The following NBEAL2 variants were observed in gnomAD, a reference collection of about 807,000 sequenced individuals.
NBEAL2 encodes neurobeachin like 2.
NBEAL2 carries 160 observed loss-of-function variants against 299.8 expected under a neutral mutation model. The observed-to-expected ratio is 0.53, with a 90% CI of 0.47 to 0.61. The LOEUF (loss-of-function observed/expected upper bound fraction) is 0.61. Among genes scored for constraint, NBEAL2 ranks in the 20% least tolerant of loss-of-function variants. The probability of loss-of-function intolerance (pLI) is 0.00; values close to 1 mark genes in which losing one functional copy is unlikely to be tolerated. For missense variants in NBEAL2, 3,112 were observed against 3,649.0 expected (o/e 0.85, Z 3.79); for synonymous variants, 1,493 against 1,542.3 (o/e 0.97, Z 0.75).
At chr3:46,995,654 A>C (rs1375204417) in intron 13 of NBEAL2, 21 bp downstream of exon 13, 1 of 1,609,264 alleles carries the variant, frequency 6.2e-7, no homozygotes, top group South Asian at 1.1e-5. Flanking sequence ...GCCAGGGGCC[A>C]GGGACCTCCT....
rs747108741 is a variant in NBEAL2, at chr3:47,000,089, T to C, written c.3990T>C (p.Asp1330=). Residue 1330 remains aspartate (D), a synonymous_variant, in exon 27 of 54, where the codon GAT becomes GAC. Coordinates refer to ENST00000450053, the MANE Select transcript of NBEAL2 (RefSeq NM_015175.3). This position sits in a 1 kb window ranked among gnomAD's most constrained non-coding sequence, Gnocchi z 4.5. ...CTGAGTCACCTGCTGAGCCTTCAGA[T>C]GTCTTCCTGCCCTCAGAGGCCCCCT... ...PPTESPAEPS[D]VFLPSEAPCP... 6.2e-7 allele frequency: 1 copy of C among 1,613,536 alleles called. No individual in the cohort carries two copies. The highest frequency in any genetic ancestry group is 1.1e-5 in the South Asian group (1 of 91,074).
In NBEAL2 at chr3:47,008,983, T is replaced by C. The variant is rs1471469025; in HGVS notation, c.8028-6T>C. Reference sequence around the variant, plus strand: ...CAAGTTGGTGTATATCCCCTCTCCCTTCCAGACTGCTCCCGGCCGCGCCTC... The same window carrying C: ...CAAGTTGGTGTATATCCCCTCTCCCCTCCAGACTGCTCCCGGCCGCGCCTC... On this transcript the variant is annotated splice_region_variant and splice_polypyrimidine_tract_variant and intron_variant, in intron 52 of 53. Transcript: ENST00000450053. 1.3e-6 allele frequency: 2 copies of C among 1,598,916 alleles called. No individual in the cohort carries two copies. The highest frequency in any genetic ancestry group is 4.5e-5 in the East Asian group (2 of 44,882).
Position 47,002,119 on chromosome 3 carries a change from G to A in NBEAL2, c.4982G>A (p.Cys1661Tyr). 6.4e-7 allele frequency: 1 copy of A among 1,550,630 alleles called. No individual in the cohort carries two copies. The highest frequency in any genetic ancestry group is 1.2e-5 in the South Asian group (1 of 84,472). ...AAAAAAAAER[C>Y]SWLVPLVRTL... The stretch of plus-strand genomic sequence containing the variant: ...GCAGCTGCAGCAGCTGCAGAGCGCT[G>A]CTCCTGGCTGGTGCCACTGGTGCGC... The change falls in exon 31 of 54, where the codon TGC becomes TAC. Residue 1661 changes from cysteine (C) to tyrosine (Y), a missense_variant. By Grantham distance (194) the Cys-to-Tyr change is radical. Around this residue, in one of 3 missense-constraint regions of NBEAL2, gnomAD observed 2,243 missense variants for 2,538.1 expected, o/e 0.88. Coordinates refer to ENST00000450053, the MANE Select transcript of NBEAL2 (RefSeq NM_015175.3).
chr3:46,979,967 CGCGCCCCGCGCCTGCTGCACCTG>C (rs536171364), intron 1 of NBEAL2, 55 bp downstream of exon 1: 4,942 of 263,294 alleles, frequency 0.019, 111 homozygotes, highest in Non-Finnish European at 0.02. Flanking sequence ...CCCAGCTTCG[CGCGCCCCGCGCCTGCTGCACCTG>C]GCGCCCCGCG....
Position 47,009,580 on chromosome 3 carries a change from G to T in NBEAL2, c.*260G>T. ...GCAGCAGCACTTTTTGCACAGTCTG[G>T]GGCGGGGTTCCCCGGCTTCCAAGTC... On this transcript the variant is annotated 3_prime_UTR_variant, in exon 54 of 54. Transcript: ENST00000450053. 1 of 499,396 alleles carries T rather than the reference G, an allele frequency of 2.0e-6. No homozygotes were observed. Among genetic ancestry groups the T allele is most frequent in the Non-Finnish European group, 3.5e-6 (1 of 282,954 alleles). 30.9% of individuals were successfully genotyped at this position (499,396 alleles called of 1,614,324 possible). A position where few individuals can be genotyped will look rare whatever the true frequency, so the allele number is the denominator to read the frequency against.
rs1352290208 is a variant in NBEAL2, at chr3:47,001,580, G to A, written c.4645-109G>A. 6.4e-7 allele frequency: 1 copy of A among 1,568,414 alleles called. No homozygotes were observed. The highest frequency in any genetic ancestry group is 1.3e-5 in the African/African-American group (1 of 74,288). ...AATGCCTGTGAGTGTGGACTTGCCTGTGTGCACAAACCCTACCTGGCCCCC... is the reference window on the plus strand; with the variant it reads ...AATGCCTGTGAGTGTGGACTTGCCTATGTGCACAAACCCTACCTGGCCCCC... On this transcript the variant is annotated intron_variant, in intron 29 of 53. Coordinates refer to ENST00000450053, the MANE Select transcript of NBEAL2 (RefSeq NM_015175.3). This position sits in a 1 kb window ranked among gnomAD's most constrained non-coding sequence, Gnocchi z 6.1.
rs781185845 is a variant in NBEAL2, at chr3:47,000,184, G to A, written c.4085G>A (p.Arg1362Gln). Reference sequence around the variant, plus strand: ...ACGCCCTTTGACCTGGGCCTGGAACGGTCTAGTGTAGGATCAGGCAACACT... The same window carrying A: ...ACGCCCTTTGACCTGGGCCTGGAACAGTCTAGTGTAGGATCAGGCAACACT... Reference protein sequence around the residue: ...FCTPFDLGLERSSVGSGNTAG... With the variant: ...FCTPFDLGLEQSSVGSGNTAG... Residue 1362 changes from arginine (R) to glutamine (Q), a missense_variant, in exon 27 of 54, where the codon CGG (arginine) becomes CAG (glutamine). Around this residue, in one of 3 missense-constraint regions of NBEAL2, gnomAD observed 2,243 missense variants for 2,538.1 expected, o/e 0.88. Coordinates refer to ENST00000450053, the MANE Select transcript of NBEAL2 (RefSeq NM_015175.3). The surrounding 1 kb of genome is among the most constrained non-coding windows in gnomAD (Gnocchi z 4.5). 3.7e-6 allele frequency: 6 copies of A among 1,613,808 alleles called. No homozygotes were observed. The highest frequency in any genetic ancestry group is 1.1e-5 in the South Asian group (1 of 91,074).
In NBEAL2 at chr3:46,994,548, A is replaced by G; in HGVS notation, c.1291A>G (p.Asn431Asp). Residue 431 changes from asparagine (N) to aspartate (D), a missense_variant, in exon 12 of 54, where the codon AAC (asparagine) becomes GAC (aspartate). Asn to Asp is a conservative substitution (Grantham distance 23, BLOSUM62 1). This residue lies in a region of NBEAL2 where 2,243 missense variants were observed against 2,538.1 expected (regional missense o/e 0.88). Transcript: ENST00000450053. The part of the protein sequence containing the change: ...PTHRLLQELL[N>D]MAVEGDHSMC... Reference sequence around the variant, plus strand: ...CCATCGGCTGTTGCAAGAGCTGCTCAACATGGTGAGGGAAGGGGCTTGGGA... The same window carrying G: ...CCATCGGCTGTTGCAAGAGCTGCTCGACATGGTGAGGGAAGGGGCTTGGGA... 6.3e-7 allele frequency: 1 copy of G among 1,577,600 alleles called. No homozygotes were observed. Among genetic ancestry groups the G allele is most frequent in the Non-Finnish European group, 8.6e-7 (1 of 1,159,692 alleles).
At position 47,004,147 on chromosome 3, in the gene NBEAL2, C is replaced by T. The variant is rs2037242563; in HGVS notation, c.5952C>T (p.Arg1984=). The change falls in exon 37 of 54, where the codon CGC becomes CGT. Residue 1984 remains arginine, a synonymous_variant. Coordinates refer to ENST00000450053, the MANE Select transcript of NBEAL2 (RefSeq NM_015175.3). This position sits in a 1 kb window ranked among gnomAD's most constrained non-coding sequence, Gnocchi z 5.0. ...TCCACCTGCGGCGTTTCAACCTGCGCCGTTCAGCACTTGAGCTCTTCTTTA... is the reference window on the plus strand; with the variant it reads ...TCCACCTGCGGCGTTTCAACCTGCGTCGTTCAGCACTTGAGCTCTTCTTTA... The part of the protein sequence containing the change: ...REVHLRRFNL[R]RSALELFFID... 7.4e-6 allele frequency: 12 copies of T among 1,613,614 alleles called. No individual in the cohort carries two copies. The highest frequency in any genetic ancestry group is 2.7e-5 in the African/African-American group (2 of 74,868).
intron 1 of NBEAL2, among the ~76,000 whole-genome samples, chr3:46,984,272 C>G (rs944781555): frequency 6.6e-6 from 1 of 152,158 alleles, no homozygotes; most frequent in South Asian, 2.1e-4. Context: ...CGCCACTGCA[C>G]TCCAGCCTGG....
chr3:46,995,010 C>G, intron 12 of NBEAL2, 22 bp from the exon 13 acceptor site: 1 of 1,522,086 alleles, frequency 6.6e-7, no homozygotes, highest in South Asian at 1.2e-5. Flanking sequence ...TGACCAGGGA[C>G]TGTCATTCTC....
rs2036412533 is a variant in NBEAL2 at position 46,995,400 on chromosome 3, C to G, written c.1665C>G (p.Ala555=). Residue 555 remains alanine (A), a synonymous_variant, in exon 13 of 54, where the codon GCC becomes GCG. Transcript: ENST00000450053. The stretch of plus-strand genomic sequence containing the variant: ...CAGGCGGAGCTGAGGCTGGAAAGGC[C>G]CGACACGCAGGTGCTGTCATCCGCA... ...SEPGGAEAGK[A]RHAGAVIRTL... is the part of the protein sequence containing the mutation. The G allele has an allele frequency of 6.2e-7, 1 of 1,612,612 alleles. No individual in the cohort carries two copies. Among genetic ancestry groups the G allele is most frequent in the Non-Finnish European group, 8.5e-7 (1 of 1,179,864 alleles).
intron 6 of NBEAL2, among the ~76,000 whole-genome samples, chr3:46,990,852 C>G (rs4683277): frequency 0.95 from 145,034 of 152,258 alleles, 69,512 homozygotes; most frequent in East Asian, 1. Context: ...AGGGCAGAGG[C>G]AGCAAGAGAT....
At chr3:46,986,679 G>C (rs1164183816) in intron 1 of NBEAL2, among the ~76,000 whole-genome samples, 2 of 152,154 alleles carry the variant, frequency 1.3e-5, no homozygotes, top group Admixed American at 6.5e-5. Flanking sequence ...GTCTCTGTGG[G>C]GCCACTGAGG....
At position 47,004,266 on chromosome 3, in the gene NBEAL2, C is replaced by T; in HGVS notation, c.6071C>T (p.Pro2024Leu). 2 of 1,613,632 alleles carry T rather than the reference C, an allele frequency of 1.2e-6. No homozygotes were observed. The highest frequency in any genetic ancestry group is 1.7e-6 in the Non-Finnish European group (2 of 1,179,752). Residue 2024 changes from proline (P) to leucine (L), a missense_variant, in exon 37 of 54, where the codon CCC becomes CTC. Pro to Leu is a moderately conservative substitution (Grantham distance 98). Transcript: ENST00000450053. This position sits in a 1 kb window ranked among gnomAD's most constrained non-coding sequence, Gnocchi z 5.0. ...CAGACTCCCAGACCCCAGCCTGGCC[C>T]CATCCCACCCCATACCCAGGTACGG... ...PSQTPRPQPG[P>L]IPPHTQVRNQ...
chr3:46,996,763 C>T lies in NBEAL2; in HGVS notation c.2486C>T (p.Thr829Met), dbSNP rs577957158. 55 of 1,612,352 alleles carry T rather than the reference C, an allele frequency of 3.4e-5. No homozygotes were observed. In the Middle Eastern group the frequency reaches 6.6e-4, roughly 19 times the overall value. ...GCCCACCTCCCAGGGCCCAATGAGA[C>T]GGCACCCTTCAAGCCTGAGGGGGAG... ...RTLCTLGPNE[T>M]APFKPEGELH... Residue 829 changes from threonine to methionine, a missense_variant, in exon 17 of 54, where the codon ACG becomes ATG. Physicochemically the swap from Thr to Met is moderately conservative, Grantham distance 81. This residue lies in a region of NBEAL2 where 2,243 missense variants were observed against 2,538.1 expected (regional missense o/e 0.88). Transcript: ENST00000450053.
chr3:47,009,205 C>G lies in NBEAL2; in HGVS notation c.8164-14C>G. ...CGATCCCAGCTGATCCTACTCAACCCTTACGCCCACCAGGTGCGCAGCAGC... is the reference window on the plus strand; with the variant it reads ...CGATCCCAGCTGATCCTACTCAACCGTTACGCCCACCAGGTGCGCAGCAGC... On this transcript the variant is annotated splice_polypyrimidine_tract_variant and intron_variant, in intron 53 of 53. Transcript: ENST00000450053. 1 of 1,584,558 alleles carries G rather than the reference C, an allele frequency of 6.3e-7. No homozygotes were observed. Among genetic ancestry groups the G allele is most frequent in the Non-Finnish European group, 8.6e-7 (1 of 1,167,290 alleles).
In NBEAL2 at chr3:46,995,963, G is replaced by A. The variant is rs764277923; in HGVS notation, c.2063G>A (p.Arg688His). ...HCVAIVHVPG[R>H]RPFSQNLVHV... ...GTGGCTATCGTCCATGTGCCTGGGC[G>A]CCGGCCCTTCAGCCAGAACCTGGTC... Residue 688 changes from arginine (R) to histidine (H), a missense_variant, in exon 15 of 54, where the codon CGC becomes CAC. Physicochemically the swap from Arg to His is conservative, Grantham distance 29 (BLOSUM62 0). Around this residue, in one of 3 missense-constraint regions of NBEAL2, gnomAD observed 2,243 missense variants for 2,538.1 expected, o/e 0.88. Transcript: ENST00000450053. 1.2e-5 allele frequency: 20 copies of A among 1,613,110 alleles called. No individual in the cohort carries two copies. Among genetic ancestry groups the A allele is most frequent in the Admixed American group, 8.3e-5 (5 of 59,934 alleles).
In NBEAL2 at chr3:47,003,425, C is replaced by T. The variant is rs909525337; in HGVS notation, c.5720+116C>T. Reference sequence around the variant, plus strand: ...TGTGTCCTCTTCTGCTGCCCGACTACGTCCCCCTGAAGGGACTGTCCAAAG... The same window carrying T: ...TGTGTCCTCTTCTGCTGCCCGACTATGTCCCCCTGAAGGGACTGTCCAAAG... On this transcript the variant is annotated intron_variant, in intron 35 of 53. Transcript: ENST00000450053. This position sits in a 1 kb window ranked among gnomAD's most constrained non-coding sequence, Gnocchi z 7.0. The T allele has an allele frequency of 4.9e-6, 7 of 1,419,086 alleles. No individual in the cohort carries two copies. The highest frequency in any genetic ancestry group is 1.4e-5 in the African/African-American group (1 of 70,190). 87.9% of individuals were successfully genotyped at this position (1,419,086 alleles called of 1,614,324 possible). A position where few individuals can be genotyped will look rare whatever the true frequency, so the allele number is the denominator to read the frequency against.
Sources: gnomAD v4.1 joint callset for allele counts (sites outside exome capture counted in the v4.1 genomes callset) on GRCh38, gnomAD v4.1.1 for gene constraint, gnomAD v4.1.1 regional missense constraint, Gnocchi (gnomAD v3.1) non-coding constraint, MANE v1.5 for transcripts, NCBI Gene and HGNC (gene_info 2026-07-23, HGNC 2026-07-21) for gene names.